The following PEBP4 variants were observed in gnomAD, a reference collection of about 807,000 sequenced individuals.
PEBP4 encodes the protein phosphatidylethanolamine binding protein 4.
A neutral mutation model predicts 23.9 loss-of-function variants in PEBP4; 22 were observed. The ratio of observed to expected loss-of-function variants is 0.92; its 90% confidence interval spans 0.66 to 1.31. The LOEUF (loss-of-function observed/expected upper bound fraction) is 1.31. Ranked by LOEUF, PEBP4 falls within the 40% of genes most tolerant of loss-of-function variation. The probability of loss-of-function intolerance (pLI) is 0.00; values close to 1 mark genes in which losing one functional copy is unlikely to be tolerated. For synonymous variants in PEBP4, 112 were observed against 99.3 expected, an observed-to-expected ratio of 1.13 and a Z score of -0.76; for missense variants, 324 against 281.7, an observed-to-expected ratio of 1.15 and a Z score of -1.07.
intron 3 of PEBP4, among the ~76,000 whole-genome samples, chr8:22,856,241 T>G (rs1807644511): frequency 6.6e-6 from 1 of 152,036 alleles, no homozygotes. Context: ...AAATACACAT[T>G]GCCAAAAAGC....
chr8:22,734,811 C>T (rs774347525), intron 4 of PEBP4, among the ~76,000 whole-genome samples: 52 of 152,114 alleles, frequency 3.4e-4, no homozygotes, highest in Non-Finnish European at 6.8e-4. Flanking sequence ...GCTGTCTAAG[C>T]CACGTATCAA....
intron 3 of PEBP4, among the ~76,000 whole-genome samples, chr8:22,918,254 T>G (rs1169855415): frequency 1.3e-5 from 2 of 152,224 alleles, no homozygotes; most frequent in African/African-American, 4.8e-5. Context: ...AGTAGTAGAA[T>G]ACTATGTTTT....
chr8:22,908,211 C>T (rs1413609141), intron 3 of PEBP4, among the ~76,000 whole-genome samples: 3 of 151,940 alleles, frequency 2.0e-5, no homozygotes, highest in Non-Finnish European at 2.9e-5. Context: ...AGCAGGAAAT[C>T]GTTGTTATGT....
intron 2 of PEBP4, 30 bp from the exon 3 acceptor site, chr8:22,920,340 G>A (rs1809174838): frequency 1.3e-6 from 2 of 1,597,554 alleles, no homozygotes; most frequent in African/African-American, 1.3e-5. Flanking sequence ...GTTGCCCTGT[G>A]TCAGGGTTTT....
At chr8:22,937,202 A>G (rs1809553137) in intron 1 of PEBP4, among the ~76,000 whole-genome samples, 2 of 152,192 alleles carry the variant, frequency 1.3e-5, no homozygotes, top group Non-Finnish European at 2.9e-5. Flanking sequence ...CTAATTTTTT[A>G]AAAAAGAAAA....
chr8:22,767,625 G>A lies in PEBP4; in HGVS notation c.358-40405C>T, dbSNP rs139075775. ...CTTGCCGGGGGTATATGGATGGGGA[G>A]GAGGTGTGTGGGAGACTCTTGGGGT... On this transcript the variant is annotated intron_variant, in intron 4 of 6. Coordinates refer to ENST00000256404, the MANE Select transcript of PEBP4 (RefSeq NM_144962.3). Among the ~76,000 whole-genome samples, 4 of 152,060 alleles carry A rather than the reference G, an allele frequency of 2.6e-5. No individual in the cohort carries two copies. In the East Asian group the frequency reaches 7.8e-4, roughly 30 times the overall value.
At chr8:22,846,950 C>G (rs936574361) in intron 3 of PEBP4, among the ~76,000 whole-genome samples, 28 of 151,964 alleles carry the variant, frequency 1.8e-4, no homozygotes, top group African/African-American at 6.8e-4. Context: ...TCACTTGAGC[C>G]CAAGAGTTTG....
intron 4 of PEBP4, among the ~76,000 whole-genome samples, chr8:22,768,739 T>G (rs896784258): frequency 1.7e-4 from 24 of 139,818 alleles, no homozygotes; most frequent in African/African-American, 3.5e-4. Flanking sequence ...GGGAGAGGAG[T>G]GGGGGCGGGC....
At chr8:22,792,845 A>G (rs28414783) in intron 4 of PEBP4, among the ~76,000 whole-genome samples, 39,904 of 151,706 alleles carry the variant, frequency 0.26, 5,826 homozygotes, top group African/African-American at 0.38. Flanking sequence ...GGTGGTAGGG[A>G]GCAGGTGGCT....
At chr8:22,721,882 G>A (rs1291538633) in intron 6 of PEBP4, among the ~76,000 whole-genome samples, 2 of 152,182 alleles carry the variant, frequency 1.3e-5, no homozygotes, top group Non-Finnish European at 2.9e-5. Flanking sequence ...GCTTCAGAGA[G>A]CACCAGGCCC....
At chr8:22,774,053 C>T (rs1285609004) in intron 4 of PEBP4, among the ~76,000 whole-genome samples, 1 of 152,180 alleles carries the variant, frequency 6.6e-6, no homozygotes, top group Non-Finnish European at 1.5e-5. Context: ...ACGGGCACCA[C>T]AGCCTCCCTC....
At chr8:22,923,790 C>A (rs765516370) in intron 2 of PEBP4, among the ~76,000 whole-genome samples, 1 of 152,112 alleles carries the variant, frequency 6.6e-6, no homozygotes, top group African/African-American at 2.4e-5. Context: ...AGGGAGCTGC[C>A]CTTCCCTTCC....
chr8:22,936,650 G>T (rs894493067), intron 1 of PEBP4, among the ~76,000 whole-genome samples: 1 of 152,066 alleles, frequency 6.6e-6, no homozygotes, highest in Admixed American at 6.6e-5. Context: ...ACCAAAGTTA[G>T]AAAAGAAAAC....
chr8:22,713,690 T>C lies in PEBP4; in HGVS notation c.518-154A>G, dbSNP rs1479397070. 3.9e-5 allele frequency among the ~76,000 whole-genome samples: 6 copies of C among 152,318 alleles called. No homozygotes were observed. The South Asian group carries it at 1.2e-3, about 32-fold the overall frequency. On this transcript the variant is annotated intron_variant, in intron 6 of 6. Coordinates refer to ENST00000256404, the MANE Select transcript of PEBP4 (RefSeq NM_144962.3). ...AGTGGCTGGGGGAGCTTCCGGCTCC[T>C]GTTGCAGAGGTAGCCCCCAGATGTT...
chr8:22,921,080 C>T (rs1329764831), intron 2 of PEBP4, among the ~76,000 whole-genome samples: 3 of 152,222 alleles, frequency 2.0e-5, no homozygotes, highest in Non-Finnish European at 4.4e-5. Context: ...CAGGGCAGGC[C>T]GGGCTGGGCC....
chr8:22,769,452 C>T (rs1477611804), intron 4 of PEBP4, among the ~76,000 whole-genome samples: 2 of 152,214 alleles, frequency 1.3e-5, no homozygotes, highest in East Asian at 3.8e-4. Flanking sequence ...CCGTTCTTAA[C>T]CCTAAGCTGC....
intron 1 of PEBP4, among the ~76,000 whole-genome samples, chr8:22,940,980 C>T (rs778911170): frequency 6.6e-6 from 1 of 152,080 alleles, no homozygotes; most frequent in African/African-American, 2.4e-5. Flanking sequence ...GCCTGGAGAA[C>T]GAGGGGAGAA....
intron 1 of PEBP4, among the ~76,000 whole-genome samples, chr8:22,937,732 T>C (rs902141926): frequency 1.3e-5 from 2 of 152,020 alleles, no homozygotes; most frequent in African/African-American, 4.8e-5. Flanking sequence ...TAAAGACAGA[T>C]AAATAGGCCA....
intron 4 of PEBP4, among the ~76,000 whole-genome samples, chr8:22,782,014 G>C (rs533326967): frequency 6.6e-6 from 1 of 152,232 alleles, no homozygotes; most frequent in Non-Finnish European, 1.5e-5. Context: ...TGGTGGGTGA[G>C]AGGATCTGGG....
Sources: gnomAD v4.1 joint callset for allele counts (sites outside exome capture counted in the v4.1 genomes callset) on GRCh38, gnomAD v4.1.1 for gene constraint, MANE v1.5 for transcripts, NCBI Gene and HGNC (gene_info 2026-07-23, HGNC 2026-07-21) for gene names.